TNNI3K: variants seen among roughly 807,000 people sequenced by gnomAD.
The protein encoded by TNNI3K is serine/threonine-protein kinase TNNI3K.
TNNI3K carries 140 observed loss-of-function variants against 114.5 expected under a neutral mutation model. The observed-to-expected ratio is 1.22, with a 90% CI of 1.07 to 1.41. The LOEUF is 1.41. Ranked by LOEUF, TNNI3K falls within the 40% of genes most tolerant of loss-of-function variation. TNNI3K has a pLI of 0.00. For synonymous variants in TNNI3K, 347 were observed against 347.5 expected, an observed-to-expected ratio of 1.00 and a Z score of 0.02; for missense variants, 1,125 against 1,007.6, an observed-to-expected ratio of 1.12 and a Z score of -1.58.
chr1:74,450,398 C>T (rs1666932726), intron 20 of TNNI3K, among the ~76,000 whole-genome samples: 1 of 151,952 alleles, frequency 6.6e-6, no homozygotes. Flanking sequence ...CAAGAAATAA[C>T]TAAAATCAGA....
intron 20 of TNNI3K, among the ~76,000 whole-genome samples, chr1:74,442,191 G>A (rs1162172682): frequency 6.6e-6 from 1 of 151,632 alleles, no homozygotes; most frequent in Non-Finnish European, 1.5e-5. Flanking sequence ...TAATACAGAT[G>A]TCCAATTCTT....
At chr1:74,462,485 C>G (rs1667492194) in intron 20 of TNNI3K, among the ~76,000 whole-genome samples, 2 of 152,082 alleles carry the variant, frequency 1.3e-5, no homozygotes, top group South Asian at 4.1e-4. Flanking sequence ...ATAATGTGTG[C>G]TAAAGAGAGC....
intron 24 of TNNI3K, among the ~76,000 whole-genome samples, chr1:74,543,130 G>A (rs535606455): frequency 4.7e-4 from 62 of 130,936 alleles, no homozygotes; most frequent in African/African-American, 1.7e-3. Flanking sequence ...GCTGGAGTGC[G>A]GTGGTGCGAT....
At chr1:74,536,670 A>T (rs1338116402) in intron 23 of TNNI3K, among the ~76,000 whole-genome samples, 2 of 152,102 alleles carry the variant, frequency 1.3e-5, no homozygotes, top group Admixed American at 1.3e-4. Flanking sequence ...ACATCCACAA[A>T]ATTACCCATA....
chr1:74,305,623 A>T (rs2100335412), intron 5 of TNNI3K, among the ~76,000 whole-genome samples: 1 of 152,296 alleles, frequency 6.6e-6, no homozygotes, highest in South Asian at 2.1e-4. Context: ...AGTGAGGCTG[A>T]CAGCTAAGGG....
intron 19 of TNNI3K, among the ~76,000 whole-genome samples, chr1:74,437,614 G>A (rs974738083): frequency 1.3e-5 from 2 of 151,856 alleles, no homozygotes; most frequent in African/African-American, 2.4e-5. Flanking sequence ...AGTTCTTGGT[G>A]TGTTCAAACT....
chr1:74,436,197 T>C, intron 18 of TNNI3K, 65 bp downstream of exon 18: 1 of 1,592,722 alleles, frequency 6.3e-7, no homozygotes, highest in Middle Eastern at 1.7e-4. Context: ...TGGTGCCTGA[T>C]ATTGTACCAT....
intron 17 of TNNI3K, chr1:74,416,224 A>C (rs1329234135): frequency 1.1e-6 from 1 of 893,232 alleles, no homozygotes; most frequent in Non-Finnish European, 1.3e-6. Context: ...CAAAGACGTG[A>C]GGAGTTTAAA....
At chr1:74,370,574 G>A (rs759517865) in intron 17 of TNNI3K, 182 bp downstream of exon 17, 4 of 406,768 alleles carry the variant, frequency 9.8e-6, no homozygotes, top group African/African-American at 6.2e-5. Flanking sequence ...GTAGAAAGCT[G>A]TATAACTGCT....
At chr1:74,357,084 G>T (rs773097047) in intron 11 of TNNI3K, among the ~76,000 whole-genome samples, 6 of 152,130 alleles carry the variant, frequency 3.9e-5, no homozygotes, top group African/African-American at 7.2e-5. Flanking sequence ...CAGTGCACCT[G>T]TCCCCGTATC....
At chr1:74,520,678 T>C (rs1165808906) in intron 23 of TNNI3K, among the ~76,000 whole-genome samples, 1 of 152,106 alleles carries the variant, frequency 6.6e-6, no homozygotes, top group Non-Finnish European at 1.5e-5. Context: ...CTTCCATTTT[T>C]AAGACACTGA....
At chr1:74,320,411 C>G (rs1286459677) in intron 5 of TNNI3K, among the ~76,000 whole-genome samples, 1 of 152,096 alleles carries the variant, frequency 6.6e-6, no homozygotes, top group Non-Finnish European at 1.5e-5. Flanking sequence ...TTTTTGCAGA[C>G]CAACATTTTC....
At chr1:74,424,764 G>T (rs1420832291) in intron 17 of TNNI3K, among the ~76,000 whole-genome samples, 1 of 150,672 alleles carries the variant, frequency 6.6e-6, no homozygotes, top group Non-Finnish European at 1.5e-5. Flanking sequence ...TTCTCAGAAG[G>T]TTGCTTTGAA....
intron 17 of TNNI3K, among the ~76,000 whole-genome samples, chr1:74,391,445 C>G (rs1006681482): frequency 6.6e-6 from 1 of 151,898 alleles, no homozygotes; most frequent in African/African-American, 2.4e-5. Flanking sequence ...GTACTAGATA[C>G]ATATAGGAGA....
intron 21 of TNNI3K, among the ~76,000 whole-genome samples, chr1:74,486,513 T>TG (rs1668775891): frequency 7.3e-6 from 1 of 136,744 alleles, no homozygotes; most frequent in Admixed American, 7.0e-5. Context: ...TTTGCTTTTT[T>TG]TTTTTTTGCC....
At chr1:74,534,289 T>G (rs1646631927) in intron 23 of TNNI3K, among the ~76,000 whole-genome samples, 1 of 152,168 alleles carries the variant, frequency 6.6e-6, no homozygotes, top group Non-Finnish European at 1.5e-5. Context: ...TTCCCAAGTT[T>G]GCAAAAGCCA....
At chr1:74,364,875 C>G (rs550017495) in intron 11 of TNNI3K, among the ~76,000 whole-genome samples, 1 of 152,142 alleles carries the variant, frequency 6.6e-6, no homozygotes, top group African/African-American at 2.4e-5. Context: ...GAAATGCAGT[C>G]CTGCTGACAC....
At chr1:74,367,433 G>T in intron 12 of TNNI3K, 91 bp downstream of exon 12, 1 of 1,410,854 alleles carries the variant, frequency 7.1e-7, no homozygotes, top group East Asian at 2.3e-5. Context: ...TCTTTCAGGG[G>T]TTAGGGAGGA....
rs746303325 is a variant in TNNI3K, at chr1:74,439,659, A to G, written c.2011+37A>G. 3 of 1,607,218 alleles carry G rather than the reference A, an allele frequency of 1.9e-6. No individual in the cohort carries two copies. The African/African-American group carries it at 4.0e-5, about 22-fold the overall frequency. ...TGCAATTGAAGTTTTCCTGTTTTAC[A>G]GAGTTCACTGGATTTTTATAACTTC... is the stretch of plus-strand genomic sequence containing the variant. On this transcript the variant is annotated intron_variant, in intron 20 of 24. Transcript: ENST00000326637.
Sources: gnomAD v4.1 joint callset for allele counts (sites outside exome capture counted in the v4.1 genomes callset) on GRCh38, gnomAD v4.1.1 for gene constraint, MANE v1.5 for transcripts, NCBI Gene and HGNC (gene_info 2026-07-23, HGNC 2026-07-21) for gene names.